Variants in PCDHA13 observed in about 807,000 individuals in gnomAD.
PCDHA13 encodes the protein protocadherin alpha-13.
Under a neutral mutation model 64.8 loss-of-function variants are expected in PCDHA13, and 54 were observed. The observed-to-expected ratio is 0.83, with a 90% CI of 0.67 to 1.04. PCDHA13 has a LOEUF of 1.04. PCDHA13 is among the 50% of genes least tolerant of loss of function. PCDHA13 has a pLI of 0.00. For synonymous variants in PCDHA13, 587 were observed against 564.4 expected (o/e 1.04, Z -0.57); for missense variants, 1,248 against 1,254.3 (o/e 0.99, Z 0.08).
At chr5:140,969,346 AG>A (rs2096322383) in intron 1 of PCDHA13, 1 of 1,613,510 alleles carries the variant, frequency 6.2e-7, no homozygotes, top group African/African-American at 1.3e-5. Flanking sequence ...GACAGTGGTC[AG>A]GGGGTCTTCT....
intron 1 of PCDHA13, chr5:140,967,316 A>G (rs368129984): frequency 4.3e-6 from 7 of 1,610,310 alleles, no homozygotes; most frequent in African/African-American, 4.0e-5. Context: ...CTCAGTACAG[A>G]CCTACGAGCT....
At chr5:140,968,229 TC>T in intron 1 of PCDHA13, 2 of 1,613,970 alleles carry the variant, frequency 1.2e-6, no homozygotes, top group Non-Finnish European at 1.7e-6. Flanking sequence ...GGTGTGTTGC[TC>T]TGTACTGTGC....
intron 1 of PCDHA13, chr5:140,930,181 T>C (rs1170637205): frequency 2.0e-5 from 3 of 152,216 alleles, no homozygotes; most frequent in African/African-American, 7.2e-5. Flanking sequence ...AGAGGAAAGA[T>C]GAGTAATTTT....
chr5:140,968,871 C>A lies in PCDHA13; in HGVS notation c.2395-10078C>A, dbSNP rs782670653. 11 of 1,614,218 alleles carry A rather than the reference C, an allele frequency of 6.8e-6. No individual in the cohort carries two copies. In the South Asian group the frequency reaches 1.2e-4, roughly 18 times the overall value. On this transcript the variant is annotated intron_variant, in intron 1 of 3. Coordinates refer to ENST00000289272, the MANE Select transcript of PCDHA13 (RefSeq NM_018904.3). ...CATGTTAAGAGCCCTCGGACATACT[C>A]TGAAATTACCCTTTATCTAATAATA...
intron 1 of PCDHA13, among the ~76,000 whole-genome samples, chr5:140,954,835 A>G (rs1256515583): frequency 1.3e-5 from 2 of 152,146 alleles, no homozygotes; most frequent in Admixed American, 6.5e-5. Flanking sequence ...TTTTGTCATG[A>G]AATCTTTGCC....
At chr5:140,965,403 T>G (rs1241477329) in intron 1 of PCDHA13, among the ~76,000 whole-genome samples, 1 of 151,946 alleles carries the variant, frequency 6.6e-6, no homozygotes, top group Admixed American at 6.6e-5. Flanking sequence ...GTCTAAGGAG[T>G]CTTATATTTA....
intron 1 of PCDHA13, among the ~76,000 whole-genome samples, chr5:140,938,765 A>G (rs1554212377): frequency 6.6e-6 from 1 of 152,182 alleles, no homozygotes; most frequent in Non-Finnish European, 1.5e-5. Context: ...GTTATTGGGT[A>G]CTAGACTTAG....
At chr5:140,934,879 T>C (rs1202301097) in intron 1 of PCDHA13, among the ~76,000 whole-genome samples, 1 of 152,206 alleles carries the variant, frequency 6.6e-6, no homozygotes, top group African/African-American at 2.4e-5. Flanking sequence ...TGTTTGTGTA[T>C]CTTGTTTTAA....
intron 3 of PCDHA13, among the ~76,000 whole-genome samples, chr5:140,987,890 C>T (rs1554249653): frequency 1.3e-5 from 2 of 152,020 alleles, no homozygotes; most frequent in African/African-American, 4.8e-5. Flanking sequence ...TTTATGTGCC[C>T]TAGTTTTATA....
intron 3 of PCDHA13, among the ~76,000 whole-genome samples, chr5:141,005,404 G>A (rs1265064301): frequency 6.6e-6 from 1 of 152,166 alleles, no homozygotes; most frequent in Non-Finnish European, 1.5e-5. Context: ...CAGACTTGAA[G>A]AGTGAGGAGT....
Position 140,883,949 on chromosome 5 carries a change from A to C in PCDHA13, c.1681A>C (p.Asn561His), listed in dbSNP as rs566235340. The change falls in exon 1 of 4, where the codon AAC becomes CAC. Residue 561 changes from asparagine (N) to histidine (H), a missense_variant. Transcript: ENST00000289272. ...GGTGTTCGTGCTGGACGAGAACGAC[A>C]ACGCTCCGGCGCTGCTGACGCCCGG... ...LQVFVLDEND[N>H]APALLTPGAG... 178 of 1,613,356 alleles carry C rather than the reference A, an allele frequency of 1.1e-4. 5 individuals carry two copies. The South Asian group carries it at 1.9e-3, about 18-fold the overall frequency.
At chr5:140,884,864 T>C (rs1048751495) in intron 1 of PCDHA13, among the ~76,000 whole-genome samples, 1 of 152,234 alleles carries the variant, frequency 6.6e-6, no homozygotes, top group African/African-American at 2.4e-5. Flanking sequence ...TCACAAACCA[T>C]AATGAAATGT....
At chr5:140,967,188 TCAACGA>T in intron 1 of PCDHA13, 1 of 1,613,420 alleles carries the variant, frequency 6.2e-7, no homozygotes, top group Non-Finnish European at 8.5e-7. Flanking sequence ...ATATTGGACA[TCAACGA>T]CAACTCACCG....
intron 1 of PCDHA13, among the ~76,000 whole-genome samples, chr5:140,917,324 C>CGGGGGG (rs1299895515): frequency 3.9e-5 from 3 of 76,174 alleles, no homozygotes; most frequent in East Asian, 7.2e-4. Flanking sequence ...GTTCATGTGG[C>CGGGGGG]GGGGGAGGGG....
chr5:140,929,522 T>G, intron 1 of PCDHA13: 1 of 727,900 alleles, frequency 1.4e-6, no homozygotes. Context: ...GACTTATAGT[T>G]TATTTTTGAG....
At chr5:140,967,252 G>A (rs199714982) in intron 1 of PCDHA13, 1 of 1,613,504 alleles carries the variant, frequency 6.2e-7, no homozygotes, top group Non-Finnish European at 8.5e-7. Flanking sequence ...AATCGGTGGC[G>A]CCTGGAGCGC....
intron 1 of PCDHA13, among the ~76,000 whole-genome samples, chr5:140,886,605 A>C (rs998772471): frequency 2.6e-5 from 4 of 152,108 alleles, no homozygotes; most frequent in Admixed American, 6.5e-5. Flanking sequence ...AGGTGGGCGG[A>C]TCAGGAGATC....
At chr5:141,005,572 C>G (rs548748234) in intron 3 of PCDHA13, among the ~76,000 whole-genome samples, 59 of 150,976 alleles carry the variant, frequency 3.9e-4, no homozygotes, top group Non-Finnish European at 7.7e-4. Context: ...CATGGTGGCG[C>G]GTGCCTGTAG....
intron 1 of PCDHA13, among the ~76,000 whole-genome samples, chr5:140,941,348 G>T (rs1193360429): frequency 1.7e-5 from 2 of 116,240 alleles, no homozygotes; most frequent in East Asian, 2.7e-4. Context: ...ATGGAGTCTT[G>T]CTCTGTTGCC....
Sources: gnomAD v4.1 joint callset for allele counts (sites outside exome capture counted in the v4.1 genomes callset) on GRCh38, gnomAD v4.1.1 for gene constraint, MANE v1.5 for transcripts, NCBI Gene and HGNC (gene_info 2026-07-23, HGNC 2026-07-21) for gene names.